The following RAB4A variants were observed in gnomAD, a reference collection of about 807,000 sequenced individuals.
The protein encoded by RAB4A is RAB4A, member RAS oncogene family, also known as ras-related protein Rab-4A.
RAB4A carries 20 observed loss-of-function variants against 34.5 expected under a neutral mutation model. That is an observed-to-expected ratio of 0.58 (90% CI 0.41 to 0.84). RAB4A has a LOEUF of 0.84. Ranked by LOEUF, RAB4A falls within the 40% of genes least tolerant of loss-of-function variation. The pLI is 0.00. For synonymous variants in RAB4A, 102 were observed against 100.0 expected, an observed-to-expected ratio of 1.02 and a Z score of -0.12; for missense variants, 228 against 274.5, an observed-to-expected ratio of 0.83 and a Z score of 1.20.
intron 1 of RAB4A, among the ~76,000 whole-genome samples, chr1:229,271,798 G>C (rs554334539): frequency 1.5e-3 from 223 of 152,326 alleles, no homozygotes; most frequent in African/African-American, 5.3e-3. Context: ...ACTTCAGTTT[G>C]ACCTTTCCTG....
intron 3 of RAB4A, among the ~76,000 whole-genome samples, chr1:229,289,994 C>G (rs1657025854): frequency 6.6e-6 from 1 of 152,088 alleles, no homozygotes; most frequent in Non-Finnish European, 1.5e-5. Context: ...TGAAGTAACT[C>G]AAAAAGGCCA....
At chr1:229,298,263 G>A (rs1657296741) in intron 5 of RAB4A, among the ~76,000 whole-genome samples, 1 of 152,088 alleles carries the variant, frequency 6.6e-6, no homozygotes, top group Non-Finnish European at 1.5e-5. Flanking sequence ...AAATTATATT[G>A]TAACTTGACT....
At chr1:229,277,376 T>G (rs943790410) in intron 1 of RAB4A, among the ~76,000 whole-genome samples, 3 of 151,110 alleles carry the variant, frequency 2.0e-5, no homozygotes, top group Non-Finnish European at 4.4e-5. Context: ...TTCCACCTCC[T>G]TTACTTCTTA....
At chr1:229,281,802 A>G (rs1396391738) in intron 1 of RAB4A, among the ~76,000 whole-genome samples, 2 of 116,092 alleles carry the variant, frequency 1.7e-5, no homozygotes, top group South Asian at 2.9e-4. Flanking sequence ...TCATATATAC[A>G]TAACTTATCA....
At chr1:229,302,284 TATATATATATATATA>T (rs1657414701) in intron 6 of RAB4A, among the ~76,000 whole-genome samples, 4 of 20,910 alleles carry the variant, frequency 1.9e-4, no homozygotes, top group South Asian at 1.2e-3. Context: ...TATATATATA[TATATATATATATATA>T]TATATATATA....
chr1:229,275,887 G>C (rs750701382), intron 1 of RAB4A, among the ~76,000 whole-genome samples: 1 of 150,170 alleles, frequency 6.7e-6, no homozygotes, highest in Non-Finnish European at 1.5e-5. Context: ...CAGCCTCCCA[G>C]AGTGCTGGGT....
At chr1:229,292,183 A>G (rs1571831214) in intron 3 of RAB4A, among the ~76,000 whole-genome samples, 1 of 151,744 alleles carries the variant, frequency 6.6e-6, no homozygotes, top group Non-Finnish European at 1.5e-5. Flanking sequence ...TAACCTGCAC[A>G]TTGTGCACAG....
At chr1:229,298,676 A>G (rs1246107449) in intron 5 of RAB4A, among the ~76,000 whole-genome samples, 1 of 152,242 alleles carries the variant, frequency 6.6e-6, no homozygotes, top group East Asian at 1.9e-4. Context: ...CATTTTGGCA[A>G]GCCAGCTCCT....
intron 1 of RAB4A, among the ~76,000 whole-genome samples, 153 bp downstream of exon 1, chr1:229,271,523 G>A (rs546326727): frequency 6.6e-6 from 1 of 152,030 alleles, no homozygotes; most frequent in South Asian, 2.1e-4. Flanking sequence ...TTGGGACCGG[G>A]ATGGGGGACG....
intron 3 of RAB4A, among the ~76,000 whole-genome samples, chr1:229,290,019 C>T (rs191620758): frequency 3.3e-5 from 5 of 152,148 alleles, no homozygotes; most frequent in Non-Finnish European, 4.4e-5. Flanking sequence ...TGAGTGAGTG[C>T]ACAATTATGA....
rs1270955610 is a variant in RAB4A, at chr1:229,295,890, C to A, written c.270C>A (p.Leu90=). The A allele has an allele frequency of 6.2e-7, 1 of 1,614,096 alleles. No individual in the cohort carries two copies. The highest frequency in any genetic ancestry group is 1.3e-5 in the African/African-American group (1 of 75,040). ...ATTACCGAGGCGCGGCCGGGGCTCT[C>A]CTCGTCTATGATATCACCAGGTAAT... ...RSYYRGAAGA[L]LVYDITSRET... Residue 90 remains leucine (L), a synonymous_variant, in exon 4 of 8, where the codon CTC becomes CTA. Transcript: ENST00000366690.
chr1:229,281,780 C>CT (rs1412285206), intron 1 of RAB4A, among the ~76,000 whole-genome samples: 3 of 148,034 alleles, frequency 2.0e-5, no homozygotes, highest in Non-Finnish European at 4.5e-5. Flanking sequence ...AGTGGTCACT[C>CT]TGTGTATTAC....
At position 229,303,972 on chromosome 1, in the gene RAB4A, C is replaced by T. The variant is rs767665948; in HGVS notation, c.*179C>T. The T allele has an allele frequency of 1.3e-5, 2 of 152,118 alleles. No individual in the cohort carries two copies. The highest frequency in any genetic ancestry group is 1.5e-5 in the Non-Finnish European group (1 of 68,034). 9.4% of individuals were successfully genotyped at this position (152,118 alleles called of 1,614,324 possible). ...AAGTGGCACAGCAAATCATATAAAT[C>T]GAATTAAATGGACAACACCGTTAGA... On this transcript the variant is annotated 3_prime_UTR_variant, in exon 8 of 8. Coordinates refer to ENST00000366690, the MANE Select transcript of RAB4A (RefSeq NM_004578.4).
At chr1:229,276,938 C>T (rs1656665743) in intron 1 of RAB4A, among the ~76,000 whole-genome samples, 1 of 149,438 alleles carries the variant, frequency 6.7e-6, no homozygotes, top group Non-Finnish European at 1.5e-5. Flanking sequence ...CAAGAGCCTC[C>T]TGGGCCAGGA....
At chr1:229,275,187 G>A (rs1656607472) in intron 1 of RAB4A, among the ~76,000 whole-genome samples, 1 of 152,154 alleles carries the variant, frequency 6.6e-6, no homozygotes, top group South Asian at 2.1e-4. Flanking sequence ...GAATTATGGT[G>A]AGCCCTAATT....
intron 6 of RAB4A, among the ~76,000 whole-genome samples, chr1:229,301,920 T>C (rs1657394582): frequency 6.6e-6 from 1 of 151,986 alleles, no homozygotes; most frequent in African/African-American, 2.4e-5. Flanking sequence ...GTGTGTAATG[T>C]GTAATATGGG....
At chr1:229,279,819 C>T (rs1392777999) in intron 1 of RAB4A, among the ~76,000 whole-genome samples, 1 of 147,998 alleles carries the variant, frequency 6.8e-6, no homozygotes, top group Non-Finnish European at 1.5e-5. Context: ...CTGGAGAAAA[C>T]CCTTATCAGG....
intron 2 of RAB4A, 142 bp from the exon 3 acceptor site, chr1:229,288,587 A>G (rs867965262): frequency 1.3e-4 from 72 of 559,134 alleles, no homozygotes; most frequent in Non-Finnish European, 1.8e-4. Flanking sequence ...GCATCTTCTC[A>G]ATGGAATGTT....
chr1:229,289,128 A>C, intron 3 of RAB4A: 1 of 238,356 alleles, frequency 4.2e-6, no homozygotes, highest in Non-Finnish European at 8.0e-6. Context: ...ATTGTACAGT[A>C]TGTTTCTAGA....
Sources: gnomAD v4.1 joint callset for allele counts (sites outside exome capture counted in the v4.1 genomes callset) on GRCh38, gnomAD v4.1.1 for gene constraint, MANE v1.5 for transcripts, NCBI Gene and HGNC (gene_info 2026-07-23, HGNC 2026-07-21) for gene names.